The following LTBP1 variants were observed in gnomAD, a reference collection of about 807,000 sequenced individuals.
LTBP1 encodes latent-transforming growth factor beta-binding protein 1.
LTBP1 carries 129 observed loss-of-function variants against 207.6 expected under a neutral mutation model. The observed-to-expected ratio is 0.62, with a 90% CI of 0.54 to 0.72. The LOEUF is 0.72. Ranked by LOEUF, LTBP1 falls within the 30% of genes least tolerant of loss-of-function variation. LTBP1 has a pLI of 0.00. For synonymous variants in LTBP1, 963 were observed against 833.7 expected (o/e 1.16, Z -2.67); for missense variants, 2,281 against 2,217.2 (o/e 1.03, Z -0.58).
At chr2:32,965,240 A>G (rs1222541342) in intron 2 of LTBP1, among the ~76,000 whole-genome samples, 1 of 152,152 alleles carries the variant, frequency 6.6e-6, no homozygotes, top group Non-Finnish European at 1.5e-5. Flanking sequence ...CAGAAAGTAC[A>G]AAATTCCTAT....
intron 24 of LTBP1, among the ~76,000 whole-genome samples, chr2:33,333,881 G>T (rs77859024): frequency 3.9e-5 from 6 of 151,968 alleles, no homozygotes; most frequent in Non-Finnish European, 8.8e-5. Flanking sequence ...AAAAAAGAAG[G>T]TCTAGGACTA....
At chr2:33,056,978 T>C (rs1411731642) in intron 3 of LTBP1, among the ~76,000 whole-genome samples, 1 of 152,130 alleles carries the variant, frequency 6.6e-6, no homozygotes, top group Non-Finnish European at 1.5e-5. Context: ...GATTGGTGCG[T>C]TTACAATCCC....
chr2:33,110,069 C>T (rs186378294), intron 3 of LTBP1, among the ~76,000 whole-genome samples: 54 of 152,256 alleles, frequency 3.5e-4, no homozygotes, highest in African/African-American at 1.3e-3. Context: ...TAAATATATA[C>T]CTGTCTGTGT....
At chr2:33,382,123 CT>C (rs2095223012) in intron 31 of LTBP1, among the ~76,000 whole-genome samples, 1 of 99,512 alleles carries the variant, frequency 1.0e-5, no homozygotes, top group Admixed American at 1.5e-4. Flanking sequence ...GAGACAGAGT[CT>C]CGCTCTGTTG....
At position 32,950,213 on chromosome 2, in the gene LTBP1, C is replaced by T. The variant is rs561099385; in HGVS notation, c.565+1268C>T. ...GTTTGCCTGTAACATGGAGATAACT[C>T]GTCTGTTAACAGCACCACTGCAATG... On this transcript the variant is annotated intron_variant, in intron 2 of 33. Transcript: ENST00000404816. Among the ~76,000 whole-genome samples the T allele has an allele frequency of 3.3e-5, 5 of 152,254 alleles. No homozygotes were observed. In the South Asian group the frequency reaches 6.2e-4, roughly 19 times the overall value.
At chr2:32,956,851 A>G (rs1678155625) in intron 2 of LTBP1, among the ~76,000 whole-genome samples, 2 of 152,358 alleles carry the variant, frequency 1.3e-5, no homozygotes, top group African/African-American at 2.4e-5. Context: ...CCCATGGACT[A>G]CAGAATGGAT....
At position 33,158,164 on chromosome 2, in the gene LTBP1, A is replaced by AGAG. The variant is rs761835293; in HGVS notation, c.1201+23204_1201+23205insGAG. Reference sequence around the variant, plus strand: ...AAAAAAAAACAAAAAAAAAAAAAAAAAGAGAGAGAGAGAGAATATATATGC... The same window carrying AGAG: ...AAAAAAAAACAAAAAAAAAAAAAAAAGAGAGAGAGAGAGAGAGAATATATATGC... On this transcript the variant is annotated intron_variant, in intron 5 of 33. Transcript: ENST00000404816. Among the ~76,000 whole-genome samples the AGAG allele has an allele frequency of 2.8e-4, 29 of 102,886 alleles. No homozygotes were observed. In the South Asian group the frequency reaches 7.6e-3, roughly 27 times the overall value. 67.5% of individuals were successfully genotyped at this position (102,886 alleles called of 152,430 possible).
chr2:33,324,612 A>G (rs2094402187), intron 24 of LTBP1, among the ~76,000 whole-genome samples: 3 of 152,226 alleles, frequency 2.0e-5, no homozygotes, highest in Admixed American at 2.0e-4. Flanking sequence ...AACATATATA[A>G]CATGCAGATT....
intron 3 of LTBP1, among the ~76,000 whole-genome samples, chr2:33,030,879 G>GT (rs1381811188): frequency 6.6e-6 from 1 of 151,754 alleles, no homozygotes; most frequent in Non-Finnish European, 1.5e-5. Context: ...GTGTTTCTTA[G>GT]TTTTTTTTAG....
intron 7 of LTBP1, among the ~76,000 whole-genome samples, chr2:33,213,496 T>C (rs1027057067): frequency 6.6e-6 from 1 of 152,228 alleles, no homozygotes; most frequent in African/African-American, 2.4e-5. Flanking sequence ...ATTTTCTGAA[T>C]GCTGATCTCA....
At chr2:33,385,727 G>A (rs1400554896) in intron 31 of LTBP1, among the ~76,000 whole-genome samples, 1 of 152,208 alleles carries the variant, frequency 6.6e-6, no homozygotes, top group Admixed American at 6.5e-5. Flanking sequence ...CAGGGCAGAT[G>A]TGCATGATGG....
At chr2:33,061,407 C>T (rs978291854) in intron 3 of LTBP1, 2 of 152,028 alleles carry the variant, frequency 1.3e-5, no homozygotes, top group Non-Finnish European at 2.9e-5. Context: ...GAAATGTGTA[C>T]TTATGTAATC....
intron 5 of LTBP1, among the ~76,000 whole-genome samples, chr2:33,160,509 C>T (rs1391570726): frequency 6.6e-6 from 1 of 152,126 alleles, no homozygotes; most frequent in Non-Finnish European, 1.5e-5. Flanking sequence ...CTTCTAAGCT[C>T]CTGCAGATGA....
At chr2:33,166,067 G>GTTTTTTTT (rs143905437) in intron 5 of LTBP1, among the ~76,000 whole-genome samples, 1 of 140,844 alleles carries the variant, frequency 7.1e-6, no homozygotes, top group Non-Finnish European at 1.6e-5. Flanking sequence ...AGTAATGTAT[G>GTTTTTTTT]TTTTTTTTTT....
chr2:33,160,112 C>T (rs1469424388), intron 5 of LTBP1, among the ~76,000 whole-genome samples: 1 of 152,168 alleles, frequency 6.6e-6, no homozygotes, highest in Non-Finnish European at 1.5e-5. Flanking sequence ...CTCCTGACCT[C>T]AAGTGGTCCG....
At chr2:33,276,061 A>G in intron 18 of LTBP1, 138 bp downstream of exon 18, 1 of 1,094,192 alleles carries the variant, frequency 9.1e-7, no homozygotes, top group Non-Finnish European at 1.2e-6. Flanking sequence ...CTAGATTCAC[A>G]GGCTCTTTGC....
intron 2 of LTBP1, among the ~76,000 whole-genome samples, chr2:33,012,078 G>C (rs1016995665): frequency 9.2e-5 from 14 of 152,200 alleles, no homozygotes; most frequent in African/African-American, 3.1e-4. Flanking sequence ...TTCCCTGTGG[G>C]GTCTCCCTGG....
chr2:33,191,995 G>C (rs556239718), intron 7 of LTBP1, among the ~76,000 whole-genome samples: 77 of 152,266 alleles, frequency 5.1e-4, no homozygotes, highest in South Asian at 1.2e-3. Flanking sequence ...AGCTTTGTAG[G>C]GTAGAATTTC....
At chr2:33,273,477 C>G (rs2093362727) in intron 15 of LTBP1, among the ~76,000 whole-genome samples, 179 bp from the exon 16 acceptor site, 1 of 152,116 alleles carries the variant, frequency 6.6e-6, no homozygotes, top group Non-Finnish European at 1.5e-5. Flanking sequence ...ACTAACTAAT[C>G]CATTATAAAG....
Sources: gnomAD v4.1 joint callset for allele counts (sites outside exome capture counted in the v4.1 genomes callset) on GRCh38, gnomAD v4.1.1 for gene constraint, MANE v1.5 for transcripts, NCBI Gene and HGNC (gene_info 2026-07-23, HGNC 2026-07-21) for gene names.